C22orf31: variants seen among roughly 807,000 people sequenced by gnomAD.
C22orf31 encodes uncharacterized protein C22orf31.
Under a neutral mutation model 15.0 loss-of-function variants are expected in C22orf31, and 11 were observed. That is an observed-to-expected ratio of 0.73 (90% confidence interval 0.46 to 1.21). The LOEUF (loss-of-function observed/expected upper bound fraction) is 1.21, where lower values mean the gene tolerates loss of function less well. Among genes scored for constraint, C22orf31 ranks in the 50% most tolerant of loss-of-function variants. The probability of loss-of-function intolerance (pLI) is 0.00; values close to 1 mark genes in which losing one functional copy is unlikely to be tolerated. For synonymous variants in C22orf31, 132 were observed against 133.3 expected, an observed-to-expected ratio of 0.99 and a Z score of 0.07; for missense variants, 340 against 347.2, an observed-to-expected ratio of 0.98 and a Z score of 0.17.
chr22:29,065,310 G>A (rs1388854313), upstream of C22orf31, among the ~76,000 whole-genome samples: 1 of 151,940 alleles, frequency 6.6e-6, no homozygotes, highest in Non-Finnish European at 1.5e-5. Context: ...GTGGTGGCTC[G>A]CACCTATAAT....
the C22orf31 span, among the ~76,000 whole-genome samples, chr22:29,068,859 G>T: frequency 6.7e-6 from 1 of 149,986 alleles, no homozygotes; most frequent in African/African-American, 2.5e-5. Context: ...CTGTCTCCTG[G>T]GTTCAAGCCA....
chr22:29,072,535 TC>T, the C22orf31 span, among the ~76,000 whole-genome samples: 634 of 152,328 alleles, frequency 4.2e-3, 6 homozygotes, highest in African/African-American at 0.014. Flanking sequence ...TTTAAACCTG[TC>T]CAAGGTGTTA....
intron 1 of C22orf31, 104 bp downstream of exon 1, chr22:29,061,686 G>C: frequency 6.0e-6 from 5 of 837,524 alleles, no homozygotes; most frequent in Non-Finnish European, 9.4e-6. Context: ...CCATTTCCTG[G>C]GACCAACTAA....
chr22:29,060,050 T>C (rs1165766409), intron 2 of C22orf31: 3 of 829,218 alleles, frequency 3.6e-6, no homozygotes, highest in East Asian at 2.5e-4. Flanking sequence ...TTTTATTTTT[T>C]AGACAGGGTC....
At chr22:29,061,864 TTC>T (rs532720799), upstream of C22orf31, 79 of 1,243,366 alleles carry the variant, frequency 6.4e-5, no homozygotes, top group East Asian at 9.4e-5. Flanking sequence ...TCTTTCCTTT[TTC>T]TCTCTCTCTC....
chr22:29,064,587 C>T (rs896747261), upstream of C22orf31, among the ~76,000 whole-genome samples: 1 of 150,654 alleles, frequency 6.6e-6, no homozygotes, highest in African/African-American at 2.4e-5. Context: ...GATCACGGCT[C>T]ATGAGAGCCT....
At chr22:29,061,317 A>G in intron 1 of C22orf31, among the ~76,000 whole-genome samples, 1 of 152,032 alleles carries the variant, frequency 6.6e-6, no homozygotes, top group Non-Finnish European at 1.5e-5. Context: ...CCCAGGCTGG[A>G]GTGCAATGGC....
chr22:29,073,203 AGCCCCGGCCTCG>A, the C22orf31 span: 1 of 1,182,752 alleles, frequency 8.5e-7, no homozygotes, highest in Non-Finnish European at 1.0e-6. This position sits in a 1 kb window ranked among gnomAD's most constrained non-coding sequence, Gnocchi z 4.4. Flanking sequence ...GCCCGCGCCT[AGCCCCGGCCTCG>A]GCCCCGGACC....
rs754295174 is a variant in C22orf31 at position 29,059,018 on chromosome 22, C to T, written c.597G>A (p.Ser199=). ...LPETQKRQQL[S]EDTLTIHGLP... ...GACCATGGATGGTTAGCGTGTCCTC[C>T]GACAACTGCTGTCTCTTTTGGGTTT... The change falls in exon 3 of 3, where the codon TCG becomes TCA. Residue 199 remains serine, a synonymous_variant. Coordinates refer to ENST00000216071, the MANE Select transcript of C22orf31 (RefSeq NM_015370.2). 11 of 1,614,196 alleles carry T rather than the reference C, an allele frequency of 6.8e-6. No individual in the cohort carries two copies. Among genetic ancestry groups the T allele is most frequent in the South Asian group, 3.3e-5 (3 of 91,084 alleles).
chr22:29,063,251 G>A (rs968453969), upstream of C22orf31, among the ~76,000 whole-genome samples: 1 of 151,828 alleles, frequency 6.6e-6, no homozygotes, highest in Non-Finnish European at 1.5e-5. Context: ...TGCAACCTCC[G>A]CTTCCTGGGG....
At chr22:29,072,247 C>T in the C22orf31 span, among the ~76,000 whole-genome samples, 3 of 152,100 alleles carry the variant, frequency 2.0e-5, no homozygotes, top group Non-Finnish European at 4.4e-5. Context: ...AGGGCTCAAG[C>T]GATCCTCCTG....
At chr22:29,067,343 C>T in the C22orf31 span, among the ~76,000 whole-genome samples, 1 of 151,660 alleles carries the variant, frequency 6.6e-6, no homozygotes, top group Non-Finnish European at 1.5e-5. Context: ...TCACTTGCCC[C>T]ATTCCAGTCC....
the C22orf31 span, chr22:29,073,247 C>T: frequency 4.6e-6 from 5 of 1,085,694 alleles, no homozygotes; most frequent in African/African-American, 1.7e-5. The surrounding 1 kb of genome is among the most constrained non-coding windows in gnomAD (Gnocchi z 4.4). Context: ...AGCGACCCCC[C>T]GCCGCCCGCC....
In C22orf31 at chr22:29,060,460, G is replaced by C. The variant is rs570105119; in HGVS notation, c.387C>G (p.Ser129Arg). 3 of 1,613,844 alleles carry C rather than the reference G, an allele frequency of 1.9e-6. No individual in the cohort carries two copies. The highest frequency in any genetic ancestry group is 2.2e-5 in the South Asian group (2 of 91,056). Reference sequence around the variant, plus strand: ...GCCTCCTATGCCCTGCTGGCTGCTTGCTCTTGGAACTGATGAAGTTTCTTT... The same window carrying C: ...GCCTCCTATGCCCTGCTGGCTGCTTCCTCTTGGAACTGATGAAGTTTCTTT... Reference protein sequence around the residue: ...ARKRNFISSKSKQPAGHRRPA... With the variant: ...ARKRNFISSKRKQPAGHRRPA... The change falls in exon 2 of 3, where the codon AGC becomes AGG. Residue 129 changes from serine (S) to arginine (R), a missense_variant. Coordinates refer to ENST00000216071, the MANE Select transcript of C22orf31 (RefSeq NM_015370.2).
rs1265313105 is a variant in C22orf31 at position 29,060,281 on chromosome 22, G to A, written c.432+134C>T. 3.1e-5 allele frequency: 25 copies of A among 815,384 alleles called. No individual in the cohort carries two copies. In the East Asian group the frequency reaches 6.1e-4, roughly 20 times the overall value. 50.5% of individuals were successfully genotyped at this position (815,384 alleles called of 1,614,324 possible). On this transcript the variant is annotated intron_variant, in intron 2 of 2. Coordinates refer to ENST00000216071, the MANE Select transcript of C22orf31 (RefSeq NM_015370.2). The stretch of plus-strand genomic sequence containing the variant: ...TCTCTGAGCTCAAGTGATCCTCCCT[G>A]CTTGGCCTCCCAAAGTGCTGAGATT...
chr22:29,068,759 CTTTTTTTTTTTT>C, the C22orf31 span, among the ~76,000 whole-genome samples: 7 of 113,118 alleles, frequency 6.2e-5, no homozygotes, highest in African/African-American at 2.1e-4. Context: ...CAACCTGGTA[CTTTTTTTTTTTT>C]TTTTTTTTTT....
At chr22:29,068,618 G>A in the C22orf31 span, among the ~76,000 whole-genome samples, 2 of 151,478 alleles carry the variant, frequency 1.3e-5, no homozygotes, top group Admixed American at 6.6e-5. Flanking sequence ...CACCATGTTA[G>A]CCAGGATAGT....
Position 29,061,581 on chromosome 22 carries a change from C to T in C22orf31, c.3+209G>A, listed in dbSNP as rs1184425190. 6.6e-5 allele frequency among the ~76,000 whole-genome samples: 10 copies of T among 152,200 alleles called. 1 individual carries two copies. The South Asian group carries it at 1.7e-3, about 25-fold the overall frequency. ...ATGTTCGGCTGAATACACTTTCTAA[C>T]CAACTGCCATGCACCAAGAAGAGCT... On this transcript the variant is annotated intron_variant, in intron 1 of 2. Coordinates refer to ENST00000216071, the MANE Select transcript of C22orf31 (RefSeq NM_015370.2).
upstream of C22orf31, among the ~76,000 whole-genome samples, chr22:29,064,781 T>C (rs116237670): frequency 9.2e-3 from 1,305 of 142,434 alleles, 16 homozygotes; most frequent in African/African-American, 0.033. Flanking sequence ...TCTCAAGTGA[T>C]CCTCCTTGGC....
Sources: gnomAD v4.1 joint callset for allele counts (sites outside exome capture counted in the v4.1 genomes callset) on GRCh38, gnomAD v4.1.1 for gene constraint, Gnocchi (gnomAD v3.1) non-coding constraint, MANE v1.5 for transcripts, NCBI Gene and HGNC (gene_info 2026-07-23, HGNC 2026-07-21) for gene names.